Variants in SHISAL2B observed in about 807,000 individuals in gnomAD.
The protein encoded by SHISAL2B is shisa like 2B, also known as protein shisa-like-2B.
Under a neutral mutation model 16.5 loss-of-function variants are expected in SHISAL2B, and 12 were observed. The ratio of observed to expected loss-of-function variants is 0.73; its 90% CI spans 0.47 to 1.18. The LOEUF is 1.18. SHISAL2B is among the 50% of genes most tolerant of loss of function. The probability of loss-of-function intolerance (pLI) is 0.00; values close to 1 mark genes in which losing one functional copy is unlikely to be tolerated. For synonymous variants in SHISAL2B, 72 were observed against 75.0 expected, an observed-to-expected ratio of 0.96 and a Z score of 0.21; for missense variants, 183 against 193.6, an observed-to-expected ratio of 0.95 and a Z score of 0.33.
Position 64,690,760 on chromosome 5 carries a change from G to A in SHISAL2B, c.137G>A (p.Cys46Tyr), listed in dbSNP as rs1386532533. 1.3e-6 allele frequency: 2 copies of A among 1,543,934 alleles called. No individual in the cohort carries two copies. The highest frequency in any genetic ancestry group is 1.7e-6 in the Non-Finnish European group (2 of 1,151,594). The change falls in exon 1 of 3, where the codon TGC (cysteine) becomes TAC (tyrosine). Residue 46 changes from cysteine to tyrosine, a missense_variant. Coordinates refer to ENST00000389074, the MANE Select transcript of SHISAL2B (RefSeq NM_001164442.2). ...CCGFADLKYC[C>Y]SEPGSYFPYK... Reference sequence around the variant, plus strand: ...GGCTTCGCCGACCTCAAGTACTGCTGCAGCGAGCCGGGCAGCTACTTCCCC... The same window carrying A: ...GGCTTCGCCGACCTCAAGTACTGCTACAGCGAGCCGGGCAGCTACTTCCCC...
chr5:64,709,949 T>A (rs1741935306), intron 2 of SHISAL2B, among the ~76,000 whole-genome samples: 1 of 150,856 alleles, frequency 6.6e-6, no homozygotes, highest in Admixed American at 6.6e-5. Flanking sequence ...CTTTGTCAGA[T>A]GAGTAGGTTG....
At chr5:64,716,648 G>T (rs1742057857) in intron 2 of SHISAL2B, among the ~76,000 whole-genome samples, 1 of 152,260 alleles carries the variant, frequency 6.6e-6, no homozygotes. Context: ...GTGAGTTATT[G>T]TGCAGATTAT....
intron 2 of SHISAL2B, among the ~76,000 whole-genome samples, chr5:64,716,271 T>G (rs1742049590): frequency 6.6e-6 from 1 of 152,236 alleles, no homozygotes. Flanking sequence ...CTAAATATTT[T>G]TTGCTAGTTG....
intron 2 of SHISAL2B, among the ~76,000 whole-genome samples, chr5:64,704,390 C>A (rs1011745330): frequency 6.6e-6 from 1 of 152,182 alleles, no homozygotes; most frequent in African/African-American, 2.4e-5. Flanking sequence ...AGATTTCATT[C>A]GATGAATTGG....
intron 2 of SHISAL2B, among the ~76,000 whole-genome samples, chr5:64,696,787 G>C (rs894151071): frequency 6.6e-6 from 1 of 152,198 alleles, no homozygotes. Context: ...AAGACAATAC[G>C]TGCACTGCTG....
chr5:64,697,831 C>T (rs1219358738), intron 2 of SHISAL2B, among the ~76,000 whole-genome samples: 1 of 152,182 alleles, frequency 6.6e-6, no homozygotes, highest in Non-Finnish European at 1.5e-5. Context: ...TAAAACTTCT[C>T]ATATTATGGG....
intron 2 of SHISAL2B, among the ~76,000 whole-genome samples, chr5:64,709,960 C>T (rs1054455564): frequency 9.3e-5 from 14 of 150,256 alleles, no homozygotes; most frequent in Admixed American, 3.3e-4. Context: ...GAGTAGGTTG[C>T]GAAAATTTTC....
At position 64,690,591 on chromosome 5, in the gene SHISAL2B, G is replaced by A. The variant is rs1307505965; in HGVS notation, c.-33G>A. 4 of 1,439,064 alleles carry A rather than the reference G, an allele frequency of 2.8e-6. No homozygotes were observed. The highest frequency in any genetic ancestry group is 2.6e-5 in the East Asian group (1 of 37,974). The allele number at this position is 1,439,064 out of a possible 1,614,324, so 89.1% of individuals were successfully genotyped here. A position where few individuals can be genotyped will look rare whatever the true frequency, so the allele number is the denominator to read the frequency against. ...GGGTGCGATCCGAGAGCAGACCGGG[G>A]CCCTCGCGAGCCTCTCCCGGCCCCT... On this transcript the variant is annotated 5_prime_UTR_variant, in exon 1 of 3. Transcript: ENST00000389074.
rs1259780022 is a variant in SHISAL2B, at chr5:64,717,958, A to G, written c.419A>G (p.Tyr140Cys). The change falls in exon 3 of 3, where the codon TAT becomes TGT. Residue 140 changes from tyrosine to cysteine, a missense_variant. Physicochemically the swap from Tyr to Cys is radical, Grantham distance 194. Coordinates refer to ENST00000389074, the MANE Select transcript of SHISAL2B (RefSeq NM_001164442.2). ...AASNATNETY[Y>C]EADDIIQEKT... ...TCAAATGCAACAAATGAAACATACT[A>G]TGAAGCTGATGATATAATTCAAGAA... is the stretch of plus-strand genomic sequence containing the variant. 1.2e-5 allele frequency: 18 copies of G among 1,523,318 alleles called. No individual in the cohort carries two copies. Among genetic ancestry groups the G allele is most frequent in the Non-Finnish European group, 1.5e-5 (17 of 1,143,902 alleles). The allele number at this position is 1,523,318 out of a possible 1,614,324, so 94.4% of individuals were successfully genotyped here.
chr5:64,716,634 A>C (rs1055091660), intron 2 of SHISAL2B, among the ~76,000 whole-genome samples: 1 of 152,188 alleles, frequency 6.6e-6, no homozygotes, highest in Non-Finnish European at 1.5e-5. Flanking sequence ...GGACTTGGAA[A>C]AAAGTGAGTT....
At chr5:64,715,040 A>C (rs373473120) in intron 2 of SHISAL2B, among the ~76,000 whole-genome samples, 42 of 152,272 alleles carry the variant, frequency 2.8e-4, no homozygotes, top group East Asian at 2.3e-3. Flanking sequence ...CGGAGCTGTT[A>C]CTATTCGGCC....
At chr5:64,693,071 A>G (rs1741676203) in intron 1 of SHISAL2B, among the ~76,000 whole-genome samples, 1 of 151,620 alleles carries the variant, frequency 6.6e-6, no homozygotes, top group Non-Finnish European at 1.5e-5. Flanking sequence ...GCAGTGGCGC[A>G]ATCTCGGCTC....
intron 1 of SHISAL2B, chr5:64,691,579 T>A (rs991026294): frequency 6.6e-6 from 1 of 152,178 alleles, no homozygotes; most frequent in Non-Finnish European, 1.5e-5. Context: ...GCCATGTGGC[T>A]ATTGCTGGAA....
rs1741733237 is a variant in SHISAL2B, at chr5:64,696,276, A to G, written c.349+612A>G. 2.6e-5 allele frequency among the ~76,000 whole-genome samples: 4 copies of G among 152,172 alleles called. No homozygotes were observed. The South Asian group carries it at 8.3e-4, about 32-fold the overall frequency. On this transcript the variant is annotated intron_variant, in intron 2 of 2. Coordinates refer to ENST00000389074, the MANE Select transcript of SHISAL2B (RefSeq NM_001164442.2). ...AATCTCTTAATCCTGTTATCTTCGTAAGCTGAGAATGTATGTCACCTCAGG... is the reference window on the plus strand; with the variant it reads ...AATCTCTTAATCCTGTTATCTTCGTGAGCTGAGAATGTATGTCACCTCAGG...
At chr5:64,716,329 A>G (rs938025826) in intron 2 of SHISAL2B, among the ~76,000 whole-genome samples, 2 of 152,090 alleles carry the variant, frequency 1.3e-5, no homozygotes, top group Non-Finnish European at 2.9e-5. Flanking sequence ...TTTCTGTCTT[A>G]TCCTTTATTA....
At chr5:64,708,278 T>C (rs1741901843) in intron 2 of SHISAL2B, among the ~76,000 whole-genome samples, 1 of 152,166 alleles carries the variant, frequency 6.6e-6, no homozygotes, top group Admixed American at 6.5e-5. Context: ...CTTTTGCACT[T>C]CTGGGGACTA....
intron 2 of SHISAL2B, among the ~76,000 whole-genome samples, chr5:64,699,262 G>T (rs969554620): frequency 2.0e-5 from 3 of 152,194 alleles, no homozygotes; most frequent in African/African-American, 7.2e-5. Context: ...GCTTTCAAAT[G>T]AGGTGATTTT....
chr5:64,699,631 G>C (rs1396176292), intron 2 of SHISAL2B, among the ~76,000 whole-genome samples: 4 of 152,140 alleles, frequency 2.6e-5, no homozygotes, highest in Non-Finnish European at 4.4e-5. Context: ...CCTTTCTCAT[G>C]GGTCAGCCTC....
intron 1 of SHISAL2B, among the ~76,000 whole-genome samples, chr5:64,695,302 C>T (rs748598950): frequency 2.7e-5 from 4 of 150,264 alleles, no homozygotes; most frequent in Non-Finnish European, 4.4e-5. Flanking sequence ...TTTAAAAGGG[C>T]CTCGAAAATC....
Sources: allele counts gnomAD v4.1 joint callset (sites outside exome capture counted in the v4.1 genomes callset), GRCh38; gene constraint gnomAD v4.1.1; transcripts MANE v1.5; gene names NCBI Gene and HGNC (gene_info 2026-07-23, HGNC 2026-07-21).